Variants in MRPL47 observed in about 807,000 individuals in gnomAD.
MRPL47 encodes large ribosomal subunit protein uL29m.
A neutral mutation model predicts 34.0 loss-of-function variants in MRPL47; 31 were observed. That is an observed-to-expected ratio of 0.91 (90% CI 0.68 to 1.23). MRPL47 has a LOEUF of 1.23. MRPL47 is among the 50% of genes most tolerant of loss of function. The pLI is 0.00. For synonymous variants in MRPL47, 106 were observed against 101.6 expected, an observed-to-expected ratio of 1.04 and a Z score of -0.26; for missense variants, 328 against 285.8, an observed-to-expected ratio of 1.15 and a Z score of -1.07.
In MRPL47 at chr3:179,592,751, G is replaced by C. The variant is rs1308904309; in HGVS notation, c.534-12C>G. 6.4e-7 allele frequency: 1 copy of C among 1,571,368 alleles called. No homozygotes were observed. On this transcript the variant is annotated splice_polypyrimidine_tract_variant and intron_variant, in intron 5 of 6. Coordinates refer to ENST00000476781, the MANE Select transcript of MRPL47 (RefSeq NM_020409.3). Reference sequence around the variant, plus strand: ...GCTTGAACTTGTGCCTGCCAATAAAGCAAAAAGTTATTTGCCTTAAAGAAA... The same window carrying C: ...GCTTGAACTTGTGCCTGCCAATAAACCAAAAAGTTATTTGCCTTAAAGAAA...
At position 179,604,550 on chromosome 3, in the gene MRPL47, A is replaced by C; in HGVS notation, c.75T>G (p.Thr25=). The change falls in exon 1 of 7, where the codon ACT becomes ACG. Residue 25 remains threonine, a synonymous_variant. Transcript: ENST00000476781. ...ACCCTGTGCAGGCAGGGACCTGAGG[A>C]GTTATTAACGATCGGGAAGATTTCA... ...SALKSSRSLI[T]PQVPACTGFF... The C allele has an allele frequency of 6.2e-7, 1 of 1,614,190 alleles. No individual in the cohort carries two copies. Among genetic ancestry groups the C allele is most frequent in the Non-Finnish European group, 8.5e-7 (1 of 1,180,024 alleles).
At chr3:179,597,618 C>T (rs1335787682) in intron 4 of MRPL47, among the ~76,000 whole-genome samples, 2 of 151,972 alleles carry the variant, frequency 1.3e-5, no homozygotes, top group African/African-American at 2.4e-5. Flanking sequence ...ACCAGCCTGG[C>T]CAACATGGTA....
Position 179,592,742 on chromosome 3 carries a change from G to A in MRPL47, c.534-3C>T. On this transcript the variant is annotated splice_polypyrimidine_tract_variant and splice_region_variant and intron_variant, in intron 5 of 6. Transcript: ENST00000476781. ...TAACCCACTGCTTGAACTTGTGCCT[G>A]CCAATAAAGCAAAAAGTTATTTGCC... The A allele has an allele frequency of 1.3e-6, 2 of 1,593,746 alleles. No homozygotes were observed. Among genetic ancestry groups the A allele is most frequent in the African/African-American group, 1.3e-5 (1 of 74,402 alleles).
At chr3:179,597,256 G>A (rs1718808596) in intron 4 of MRPL47, among the ~76,000 whole-genome samples, 1 of 152,132 alleles carries the variant, frequency 6.6e-6, no homozygotes, top group African/African-American at 2.4e-5. Flanking sequence ...TCCATAATTA[G>A]GGTAAATCAA....
intron 6 of MRPL47, among the ~76,000 whole-genome samples, chr3:179,591,843 T>A (rs1435108793): frequency 6.6e-6 from 1 of 152,156 alleles, no homozygotes. Flanking sequence ...TTTTTTTTTC[T>A]GTTTTTTGAG....
chr3:179,600,589 C>T (rs139114200), intron 3 of MRPL47, among the ~76,000 whole-genome samples: 1,882 of 152,250 alleles, frequency 0.012, 18 homozygotes, highest in Non-Finnish European at 0.016. Context: ...TTGCAGTGAG[C>T]CAAGATCACG....
chr3:179,591,978 A>T (rs1197081600), intron 6 of MRPL47, among the ~76,000 whole-genome samples: 1 of 151,982 alleles, frequency 6.6e-6, no homozygotes, highest in Non-Finnish European at 1.5e-5. Context: ...GATTACAGGC[A>T]CATGCTACCA....
chr3:179,598,603 T>A, intron 4 of MRPL47, 72 bp downstream of exon 4: 1 of 972,324 alleles, frequency 1.0e-6, no homozygotes, highest in Non-Finnish European at 1.6e-6. Flanking sequence ...TGACAAGAAA[T>A]ACAGGAACCA....
At chr3:179,600,069 T>C (rs1718890308) in intron 3 of MRPL47, among the ~76,000 whole-genome samples, 2 of 150,980 alleles carry the variant, frequency 1.3e-5, no homozygotes, top group Admixed American at 1.3e-4. Context: ...TGCAGTGGGC[T>C]GAGATCGTGC....
At chr3:179,595,737 T>C (rs1337854914) in intron 4 of MRPL47, among the ~76,000 whole-genome samples, 1 of 152,166 alleles carries the variant, frequency 6.6e-6, no homozygotes, top group Non-Finnish European at 1.5e-5. Context: ...TGCCAAGAAA[T>C]GTGAAGGAAA....
intron 6 of MRPL47, among the ~76,000 whole-genome samples, chr3:179,589,709 T>A (rs1390213500): frequency 1.3e-5 from 2 of 152,166 alleles, no homozygotes; most frequent in African/African-American, 4.8e-5. Context: ...AATATGCCAG[T>A]GCTATGGGAG....
rs1719018134 is a variant in MRPL47, at chr3:179,604,616, C to T, written c.9G>A (p.Ala3=). 6.2e-7 allele frequency: 1 copy of T among 1,614,180 alleles called. No individual in the cohort carries two copies. The highest frequency in any genetic ancestry group is 8.5e-7 in the Non-Finnish European group (1 of 1,180,044). MA[A]AGLALLCRRV... ...TCCTACAAAGAAGGGCCAAACCGGC[C>T]GCAGCCATGTTTTCGCATAACTGGC... Residue 3 remains alanine, a synonymous_variant, in exon 1 of 7, where the codon GCG becomes GCA. Coordinates refer to ENST00000476781, the MANE Select transcript of MRPL47 (RefSeq NM_020409.3).
intron 3 of MRPL47, among the ~76,000 whole-genome samples, chr3:179,601,352 A>G (rs1718921374): frequency 6.6e-6 from 1 of 152,220 alleles, no homozygotes; most frequent in Non-Finnish European, 1.5e-5. Context: ...GGCTGCAGTA[A>G]GCCGTTACTG....
intron 4 of MRPL47, among the ~76,000 whole-genome samples, chr3:179,596,771 ATGTC>A (rs895201616): frequency 1.6e-4 from 25 of 152,166 alleles, no homozygotes; most frequent in Admixed American, 1.3e-3. Flanking sequence ...AAAAAGTTCA[ATGTC>A]AGGAAACACA....
intron 1 of MRPL47, among the ~76,000 whole-genome samples, chr3:179,604,144 A>G (rs1318753707): frequency 2.0e-5 from 3 of 152,222 alleles, no homozygotes; most frequent in Non-Finnish European, 2.9e-5. Flanking sequence ...AAATACAAAT[A>G]TCTCTTCTTT....
intron 4 of MRPL47, among the ~76,000 whole-genome samples, chr3:179,596,098 T>C (rs2108381474): frequency 6.6e-6 from 1 of 152,346 alleles, no homozygotes; most frequent in South Asian, 2.1e-4. Flanking sequence ...TGAGGGTCAT[T>C]TATCTCAAAT....
In MRPL47 at chr3:179,588,522, A is replaced by G. The variant is rs1449951541; in HGVS notation, c.*350T>C. The G allele has an allele frequency of 1.0e-5, 2 of 190,996 alleles. No individual in the cohort carries two copies. Among genetic ancestry groups the G allele is most frequent in the African/African-American group, 2.4e-5 (1 of 42,476 alleles). The allele number at this position is 190,996 out of a possible 1,614,324, so 11.8% of individuals were successfully genotyped here. On this transcript the variant is annotated 3_prime_UTR_variant, in exon 7 of 7. Transcript: ENST00000476781. ...AATACCCACATCCTCTTCATAGCCT[A>G]TTAACAACAGAGGTAAAACTATTAT... is the stretch of plus-strand genomic sequence containing the variant.
At chr3:179,593,095 G>A (rs974779650) in intron 5 of MRPL47, among the ~76,000 whole-genome samples, 2 of 152,088 alleles carry the variant, frequency 1.3e-5, no homozygotes, top group African/African-American at 4.8e-5. Flanking sequence ...TTTACCTTTG[G>A]GTTGAACAGC....
intron 3 of MRPL47, among the ~76,000 whole-genome samples, chr3:179,599,502 G>A (rs943586012): frequency 6.6e-6 from 1 of 152,228 alleles, no homozygotes; most frequent in Non-Finnish European, 1.5e-5. Flanking sequence ...TAACGAAGAA[G>A]CTAAGGCTGA....
Sources: allele counts gnomAD v4.1 joint callset (sites outside exome capture counted in the v4.1 genomes callset), GRCh38; gene constraint gnomAD v4.1.1; transcripts MANE v1.5; gene names NCBI Gene and HGNC (gene_info 2026-07-23, HGNC 2026-07-21).